ABCA13: variants seen among roughly 807,000 people sequenced by gnomAD.
ABCA13 encodes ATP binding cassette subfamily A member 13.
In ABCA13, 476 loss-of-function variants were observed where a neutral mutation model predicts 478.7. That is an observed-to-expected ratio of 0.99 (90% CI 0.92 to 1.07). ABCA13 has a LOEUF of 1.07. Among genes scored for constraint, ABCA13 ranks in the 50% least tolerant of loss-of-function variants. The probability of loss-of-function intolerance (pLI) is 0.00; values close to 1 mark genes in which losing one functional copy is unlikely to be tolerated. For synonymous variants in ABCA13, 2,252 were observed against 2,158.9 expected (o/e 1.04, Z -1.20); for missense variants, 6,060 against 5,910.6 (o/e 1.03, Z -0.83).
At chr7:48,411,687 A>G (rs1819265959) in intron 40 of ABCA13, among the ~76,000 whole-genome samples, 1 of 152,180 alleles carries the variant, frequency 6.6e-6, no homozygotes, top group Non-Finnish European at 1.5e-5. Flanking sequence ...GTGAGGGTAT[A>G]GAGCAAGTGG....
chr7:48,245,332 C>T (rs1308424307), intron 11 of ABCA13, among the ~76,000 whole-genome samples, 180 bp from the exon 12 acceptor site: 1 of 152,092 alleles, frequency 6.6e-6, no homozygotes, highest in Non-Finnish European at 1.5e-5. Flanking sequence ...TTGGAAAGGA[C>T]AAAATGATAT....
At chr7:48,189,518 G>T (rs1796812703) in intron 1 of ABCA13, among the ~76,000 whole-genome samples, 1 of 152,208 alleles carries the variant, frequency 6.6e-6, no homozygotes, top group African/African-American at 2.4e-5. Flanking sequence ...ACTCTGAGAT[G>T]TTGTTTTTTA....
intron 44 of ABCA13, among the ~76,000 whole-genome samples, chr7:48,467,276 T>C (rs1202328534): frequency 1.3e-5 from 2 of 152,196 alleles, no homozygotes; most frequent in African/African-American, 4.8e-5. Context: ...CGTACATGCA[T>C]GCTTTATATT....
At chr7:48,427,945 T>A in intron 42 of ABCA13, 74 bp downstream of exon 42, 3 of 1,046,250 alleles carry the variant, frequency 2.9e-6, no homozygotes, top group South Asian at 1.8e-5. Context: ...TCCCTTGTTT[T>A]AAAAGTTGTA....
chr7:48,221,174 C>A, intron 4 of ABCA13, 107 bp from the exon 5 acceptor site: 1 of 557,976 alleles, frequency 1.8e-6, no homozygotes, highest in Admixed American at 3.6e-5. Flanking sequence ...ATTTTTGGGC[C>A]AGGGCTCTTG....
intron 48 of ABCA13, among the ~76,000 whole-genome samples, chr7:48,495,527 A>G (rs1585587111): frequency 6.6e-6 from 1 of 152,298 alleles, no homozygotes; most frequent in Admixed American, 6.5e-5. Flanking sequence ...AGAAATGTAC[A>G]TTATATGTCA....
chr7:48,603,502 G>A (rs911453677), intron 58 of ABCA13, among the ~76,000 whole-genome samples: 29 of 152,074 alleles, frequency 1.9e-4, no homozygotes, highest in African/African-American at 6.0e-4. Flanking sequence ...GGTTTTCGTC[G>A]TTGATTCTGT....
chr7:48,223,746 C>T (rs543908876), intron 5 of ABCA13, among the ~76,000 whole-genome samples: 1 of 152,050 alleles, frequency 6.6e-6, no homozygotes, highest in Admixed American at 6.5e-5. Context: ...CACCTAAGGT[C>T]AGGAGTTCAA....
chr7:48,591,622 A>G (rs762306385), intron 57 of ABCA13, among the ~76,000 whole-genome samples: 6 of 151,918 alleles, frequency 3.9e-5, no homozygotes, highest in Non-Finnish European at 7.4e-5. Flanking sequence ...ATAGCTCTCC[A>G]TTTATTTGTC....
Position 48,198,280 on chromosome 7 carries a change from C to CA in ABCA13, c.207_208insA (p.Phe70IlefsTer8), listed in dbSNP as rs773475212. The CA allele has an allele frequency of 2.5e-6, 4 of 1,613,632 alleles. No homozygotes were observed. In the East Asian group the frequency reaches 6.7e-5, roughly 27 times the overall value. ...ATCTACCCAGCTGTGGTGTTATCCC[C>CA]TTTGTTCAAAGCCTTCTTTGTAACA... On this transcript the variant is annotated frameshift_variant, in exon 3 of 62. Transcript: ENST00000435803. LOFTEE classifies it high-confidence loss of function.
chr7:48,196,093 T>C (rs943171883), intron 2 of ABCA13, among the ~76,000 whole-genome samples: 5 of 152,128 alleles, frequency 3.3e-5, no homozygotes, highest in Non-Finnish European at 7.3e-5. Flanking sequence ...CTCAAAATGA[T>C]AGTGGCTAAT....
chr7:48,373,731 A>G (rs188630461), intron 33 of ABCA13, among the ~76,000 whole-genome samples: 1 of 152,364 alleles, frequency 6.6e-6, no homozygotes, highest in Admixed American at 6.5e-5. Context: ...TGTTATTTTT[A>G]ATTTTACTTC....
At chr7:48,424,710 T>C (rs1350115549) in intron 41 of ABCA13, among the ~76,000 whole-genome samples, 1 of 152,206 alleles carries the variant, frequency 6.6e-6, no homozygotes, top group East Asian at 1.9e-4. Flanking sequence ...TTCTGGATGT[T>C]AGGGTTACCT....
intron 52 of ABCA13, among the ~76,000 whole-genome samples, chr7:48,519,231 C>T (rs1832355268): frequency 6.6e-6 from 1 of 152,104 alleles, no homozygotes; most frequent in Non-Finnish European, 1.5e-5. Context: ...GATTCCACGT[C>T]TTTGCTATTG....
intron 55 of ABCA13, among the ~76,000 whole-genome samples, chr7:48,550,010 G>C (rs763720871): frequency 1.3e-5 from 2 of 151,646 alleles, no homozygotes; most frequent in Non-Finnish European, 2.9e-5. Flanking sequence ...CATTCTTTAG[G>C]TTCCCTGTTC....
At chr7:48,594,056 T>C (rs192791604) in intron 57 of ABCA13, among the ~76,000 whole-genome samples, 93 of 152,232 alleles carry the variant, frequency 6.1e-4, no homozygotes, top group African/African-American at 2.2e-3. Context: ...ATTTGGGAAC[T>C]TTTAAGCTTC....
intron 19 of ABCA13, among the ~76,000 whole-genome samples, chr7:48,285,746 A>G (rs79155846): frequency 0.038 from 5,773 of 152,246 alleles, 279 homozygotes; most frequent in African/African-American, 0.11. Context: ...TAAACACATT[A>G]TTGTGTCTTC....
chr7:48,552,713 T>G (rs1458887504), intron 55 of ABCA13, among the ~76,000 whole-genome samples: 1 of 151,472 alleles, frequency 6.6e-6, no homozygotes, highest in Non-Finnish European at 1.5e-5. Context: ...ACATAAGGGT[T>G]ATATATATTT....
chr7:48,637,392 A>C (rs920952781), intron 59 of ABCA13, among the ~76,000 whole-genome samples: 2 of 147,758 alleles, frequency 1.4e-5, no homozygotes, highest in Admixed American at 6.7e-5. Context: ...AAAAAAAAAA[A>C]AAAAAAAAAA....
Sources: gnomAD v4.1 joint callset for allele counts (sites outside exome capture counted in the v4.1 genomes callset) on GRCh38, gnomAD v4.1.1 for gene constraint, MANE v1.5 for transcripts, NCBI Gene and HGNC (gene_info 2026-07-23, HGNC 2026-07-21) for gene names.